The following DIP2C variants were observed in gnomAD, a reference collection of about 807,000 sequenced individuals.
DIP2C encodes the protein disco-interacting protein 2 homolog C.
A neutral mutation model predicts 192.4 loss-of-function variants in DIP2C; 33 were observed. That is an observed-to-expected ratio of 0.17 (90% CI 0.13 to 0.23). The LOEUF is 0.23. DIP2C is among the 10% of genes least tolerant of loss of function. DIP2C has a pLI of 1.00. For missense variants in DIP2C, 1,537 were observed against 2,110.1 expected, an observed-to-expected ratio of 0.73 and a Z score of 5.32; for synonymous variants, 979 against 864.1, an observed-to-expected ratio of 1.13 and a Z score of -2.33.
chr10:419,278 G>C (rs541509208), intron 5 of DIP2C, 79 bp from the exon 6 acceptor site: 4 of 1,596,996 alleles, frequency 2.5e-6, no homozygotes, highest in African/African-American at 2.7e-5. Flanking sequence ...AGCCCAGGAA[G>C]AGACTGAAGC....
At chr10:325,821 A>G (rs1957246193) in intron 31 of DIP2C, among the ~76,000 whole-genome samples, 1 of 152,196 alleles carries the variant, frequency 6.6e-6, no homozygotes, top group African/African-American at 2.4e-5. Context: ...ATAATTTCTT[A>G]AAGATGGAGC....
Position 568,932 on chromosome 10 carries a change from G to A in DIP2C, c.86-82402C>T, listed in dbSNP as rs564135617. The stretch of plus-strand genomic sequence containing the variant: ...CCAAGGCACGCTCCGTATTTTAGAT[G>A]GCCTGCAACAAGGAGGAAATGAACA... On this transcript the variant is annotated intron_variant, in intron 1 of 36. Coordinates refer to ENST00000280886, the MANE Select transcript of DIP2C (RefSeq NM_014974.3). Among the ~76,000 whole-genome samples, 5 of 152,200 alleles carry A rather than the reference G, an allele frequency of 3.3e-5. No individual in the cohort carries two copies. The South Asian group carries it at 8.3e-4, about 25-fold the overall frequency.
chr10:406,823 A>C (rs1964839335), intron 9 of DIP2C, among the ~76,000 whole-genome samples: 2 of 151,974 alleles, frequency 1.3e-5, no homozygotes, highest in African/African-American at 4.8e-5. Flanking sequence ...CTATCATAAA[A>C]CCTAAGATCA....
intron 1 of DIP2C, among the ~76,000 whole-genome samples, chr10:570,468 G>A (rs1178940272): frequency 6.6e-6 from 1 of 152,084 alleles, no homozygotes; most frequent in Admixed American, 6.6e-5. Context: ...CCATTCCTAA[G>A]ACATGACCCA....
At chr10:677,532 T>C (rs2119059555) in intron 1 of DIP2C, among the ~76,000 whole-genome samples, 1 of 152,310 alleles carries the variant, frequency 6.6e-6, no homozygotes, top group African/African-American at 2.4e-5. Flanking sequence ...TCCAGCATGA[T>C]GTACTGCTTG....
chr10:481,203 C>G (rs558051484), intron 2 of DIP2C, among the ~76,000 whole-genome samples: 1 of 152,374 alleles, frequency 6.6e-6, no homozygotes, highest in South Asian at 2.1e-4. Flanking sequence ...CAACGGCCAG[C>G]CCAGGTGAAC....
At chr10:531,096 A>T (rs1847342612) in intron 1 of DIP2C, among the ~76,000 whole-genome samples, 1 of 152,158 alleles carries the variant, frequency 6.6e-6, no homozygotes, top group Admixed American at 6.5e-5. Flanking sequence ...TCTGCGCCCA[A>T]CAGCTCATCT....
At chr10:442,759 A>T (rs1967852230) in intron 3 of DIP2C, among the ~76,000 whole-genome samples, 1 of 152,222 alleles carries the variant, frequency 6.6e-6, no homozygotes, top group African/African-American at 2.4e-5. Context: ...ATTCTCTCAC[A>T]TACATTTTCC....
chr10:565,281 C>T (rs1447957690), intron 1 of DIP2C, among the ~76,000 whole-genome samples: 6 of 149,866 alleles, frequency 4.0e-5, no homozygotes, highest in Non-Finnish European at 5.9e-5. Context: ...TTAAGAGTAC[C>T]GCCCTTCCAC....
chr10:384,004 G>A lies in DIP2C; in HGVS notation c.1876+23C>T, dbSNP rs757243951. 9 of 1,494,100 alleles carry A rather than the reference G, an allele frequency of 6.0e-6. No homozygotes were observed. In the East Asian group the frequency reaches 1.3e-4, roughly 22 times the overall value. 92.6% of individuals were successfully genotyped at this position (1,494,100 alleles called of 1,614,324 possible). A position where few individuals can be genotyped will look rare whatever the true frequency, so the allele number is the denominator to read the frequency against. On this transcript the variant is annotated intron_variant, in intron 16 of 36. Transcript: ENST00000280886. ...AGACTCCACAGCCCGCCTGCCTCAC[G>A]AGATCACACGCTCCTCACTTACAGG... is the stretch of plus-strand genomic sequence containing the variant.
chr10:678,737 G>A (rs865992484), intron 1 of DIP2C, among the ~76,000 whole-genome samples: 4 of 17,416 alleles, frequency 2.3e-4, no homozygotes, highest in African/African-American at 5.3e-4. Flanking sequence ...CGTGCTCCCC[G>A]CGCCCATCTC....
chr10:334,363 T>C (rs1159636668), intron 29 of DIP2C, among the ~76,000 whole-genome samples: 3 of 147,522 alleles, frequency 2.0e-5, no homozygotes, highest in African/African-American at 7.5e-5. Context: ...AAGTGCTTCA[T>C]GAGATTTATA....
intron 1 of DIP2C, among the ~76,000 whole-genome samples, chr10:507,192 G>C (rs1426182624): frequency 1.3e-5 from 2 of 151,076 alleles, no homozygotes; most frequent in Admixed American, 6.6e-5. Context: ...TGCCCAATCA[G>C]AAGCTTTTGA....
chr10:424,382 T>TTTTTTTTTTTTTTTTTTTG (rs1388302720), intron 4 of DIP2C, among the ~76,000 whole-genome samples: 3 of 101,362 alleles, frequency 3.0e-5, no homozygotes, highest in African/African-American at 4.3e-5. Context: ...TTTTTTTTTT[T>TTTTTTTTTTTTTTTTTTTG]TGAGACAGAG....
intron 3 of DIP2C, among the ~76,000 whole-genome samples, chr10:452,607 G>A (rs1968939548): frequency 6.6e-6 from 1 of 152,198 alleles, no homozygotes; most frequent in Non-Finnish European, 1.5e-5. Flanking sequence ...TTTGTCGAAA[G>A]ACCTTTCACA....
At chr10:617,113 C>G (rs1042762295) in intron 1 of DIP2C, among the ~76,000 whole-genome samples, 1 of 152,140 alleles carries the variant, frequency 6.6e-6, no homozygotes, top group Non-Finnish European at 1.5e-5. Flanking sequence ...ACACCCAGAC[C>G]CCATGCAGAC....
chr10:620,733 G>A (rs1324445172), intron 1 of DIP2C, among the ~76,000 whole-genome samples: 3 of 152,208 alleles, frequency 2.0e-5, no homozygotes, highest in East Asian at 1.9e-4. Context: ...TGGGAGCCTC[G>A]CATCTAAGCT....
At chr10:288,493 G>C in intron 32 of DIP2C, 72 bp from the exon 33 acceptor site, 1 of 1,517,530 alleles carries the variant, frequency 6.6e-7, no homozygotes, top group Non-Finnish European at 9.1e-7. Context: ...ATTCACACGA[G>C]GTCACGAGCC....
At chr10:627,662 G>C (rs761123632) in intron 1 of DIP2C, among the ~76,000 whole-genome samples, 1 of 152,244 alleles carries the variant, frequency 6.6e-6, no homozygotes, top group African/African-American at 2.4e-5. Flanking sequence ...GGAGGTGTAA[G>C]GGAAACCCCA....
Sources: allele counts gnomAD v4.1 joint callset (sites outside exome capture counted in the v4.1 genomes callset), GRCh38; gene constraint gnomAD v4.1.1; transcripts MANE v1.5; gene names NCBI Gene and HGNC (gene_info 2026-07-23, HGNC 2026-07-21).